The following NOVA1 variants were observed in gnomAD, a reference collection of about 807,000 sequenced individuals.
The protein encoded by NOVA1 is NOVA alternative splicing regulator 1, also known as RNA-binding protein Nova-1.
A neutral mutation model predicts 38.0 loss-of-function variants in NOVA1; 7 were observed. That is an observed-to-expected ratio of 0.18 (90% CI 0.10 to 0.35). The LOEUF (loss-of-function observed/expected upper bound fraction) is 0.35, where lower values mean the gene tolerates loss of function less well. NOVA1 is among the 10% of genes least tolerant of loss of function. NOVA1 has a pLI of 1.00. For missense variants in NOVA1, 460 were observed against 616.0 expected (o/e 0.75, Z 2.68); for synonymous variants, 270 against 232.5 (o/e 1.16, Z -1.47).
At chr14:26,452,838 T>C (rs1279577510) in intron 4 of NOVA1, among the ~76,000 whole-genome samples, 1 of 152,208 alleles carries the variant, frequency 6.6e-6, no homozygotes, top group African/African-American at 2.4e-5. Context: ...AAGCCCTGTG[T>C]TGAAAGCTGG....
At chr14:26,591,552 A>G (rs1893841608) in intron 2 of NOVA1, among the ~76,000 whole-genome samples, 1 of 151,768 alleles carries the variant, frequency 6.6e-6, no homozygotes, top group South Asian at 2.1e-4. Context: ...TAGAAGCTGT[A>G]AGAGATTCAC....
chr14:26,554,505 G>A (rs949435164), intron 2 of NOVA1, among the ~76,000 whole-genome samples: 2 of 152,148 alleles, frequency 1.3e-5, no homozygotes, highest in South Asian at 2.1e-4. Context: ...GGTTGGCTAT[G>A]AGGTTAAATT....
chr14:26,476,107 C>T (rs1025907268), intron 3 of NOVA1, among the ~76,000 whole-genome samples: 4 of 152,060 alleles, frequency 2.6e-5, no homozygotes, highest in African/African-American at 9.7e-5. Flanking sequence ...ACATACTGTA[C>T]CAAAATGAAT....
At chr14:26,528,265 TAG>T (rs1281869676) in intron 2 of NOVA1, among the ~76,000 whole-genome samples, 1 of 152,200 alleles carries the variant, frequency 6.6e-6, no homozygotes, top group Non-Finnish European at 1.5e-5. Context: ...TTATGCTTAC[TAG>T]GTTTAGGCAG....
At chr14:26,473,287 A>G (rs909410614) in intron 3 of NOVA1, among the ~76,000 whole-genome samples, 1 of 151,774 alleles carries the variant, frequency 6.6e-6, no homozygotes, top group Non-Finnish European at 1.5e-5. Context: ...TCTAACAGAA[A>G]TACCTTAAAA....
At chr14:26,534,726 G>A (rs1016134424) in intron 2 of NOVA1, among the ~76,000 whole-genome samples, 7 of 152,228 alleles carry the variant, frequency 4.6e-5, no homozygotes, top group African/African-American at 1.4e-4. Context: ...ACCTACAGAT[G>A]TGCCTAAATT....
chr14:26,479,810 A>G (rs1885297922), intron 3 of NOVA1, 167 bp downstream of exon 3: 1 of 631,900 alleles, frequency 1.6e-6, no homozygotes, highest in Non-Finnish European at 2.6e-6. Flanking sequence ...TAACTGATCA[A>G]TCTAAGGATG....
At position 26,448,541 on chromosome 14, in the gene NOVA1, G is replaced by A. The variant is rs748169659; in HGVS notation, c.942C>T (p.Ala314=). The change falls in exon 5 of 5, where the codon GCC becomes GCT. Residue 314 remains alanine, a synonymous_variant. Transcript: ENST00000539517. This position sits in a 1 kb window ranked among gnomAD's most constrained non-coding sequence, Gnocchi z 5.3. ...CTAATGTATTAAGTGCAGAGGTGAT[G>A]GCCACCAGGTCATTGCCTGTGAAGC... ...LSGFTGNDLV[A]ITSALNTLAS... is the part of the protein sequence containing the mutation. 6.2e-7 allele frequency: 1 copy of A among 1,614,200 alleles called. No individual in the cohort carries two copies. Among genetic ancestry groups the A allele is most frequent in the Admixed American group, 1.7e-5 (1 of 60,018 alleles).
In NOVA1 at chr14:26,480,100, T is replaced by A; in HGVS notation, c.324A>T (p.Ala108=). 6.2e-7 allele frequency: 1 copy of A among 1,614,050 alleles called. No homozygotes were observed. Residue 108 remains alanine (A), a synonymous_variant, in exon 3 of 5, where the codon GCA becomes GCT. Transcript: ENST00000539517. ...CAATGAATCCATGAACTGCATTCAG[T>A]GCTTCAACCGTTCCCTGGATCAAGC... The part of the protein sequence containing the change: ...RVCLIQGTVE[A]LNAVHGFIAE...
intron 2 of NOVA1, among the ~76,000 whole-genome samples, chr14:26,533,867 G>T (rs1175338763): frequency 1.3e-5 from 2 of 152,034 alleles, no homozygotes; most frequent in Admixed American, 1.3e-4. Context: ...TGAGAACAAG[G>T]TAAATTATCA....
intron 4 of NOVA1, chr14:26,472,046 G>A (rs1884624074): frequency 2.4e-6 from 1 of 416,312 alleles, no homozygotes; most frequent in Admixed American, 4.2e-5. Flanking sequence ...CAATAAATAG[G>A]CTTCAGTGCT....
intron 2 of NOVA1, among the ~76,000 whole-genome samples, chr14:26,508,039 T>C (rs1308229140): frequency 1.3e-5 from 2 of 152,068 alleles, no homozygotes; most frequent in African/African-American, 4.8e-5. Flanking sequence ...TTCTATTACT[T>C]ACAAAGAAAC....
At chr14:26,509,496 C>A (rs1220455725) in intron 2 of NOVA1, among the ~76,000 whole-genome samples, 3 of 152,096 alleles carry the variant, frequency 2.0e-5, no homozygotes, top group African/African-American at 7.2e-5. Context: ...TCTCAAGCTT[C>A]ATGATTAGAT....
chr14:26,526,588 AT>A (rs34488734), intron 2 of NOVA1, among the ~76,000 whole-genome samples: 87,049 of 151,938 alleles, frequency 0.57, 30,180 homozygotes, highest in Non-Finnish European at 0.75. Flanking sequence ...AAATAAAAAA[AT>A]ATACTCACTT....
intron 4 of NOVA1, 92 bp downstream of exon 4, chr14:26,472,228 G>C: frequency 1.3e-6 from 1 of 769,732 alleles, no homozygotes; most frequent in South Asian, 1.5e-5. Context: ...GTGAATGAAC[G>C]AATAAATCCT....
intron 4 of NOVA1, among the ~76,000 whole-genome samples, chr14:26,464,198 CAAT>C (rs1435399459): frequency 3.3e-5 from 5 of 152,178 alleles, no homozygotes; most frequent in African/African-American, 1.2e-4. Context: ...ACATTTTCAT[CAAT>C]GACAGGCCAC....
intron 2 of NOVA1, among the ~76,000 whole-genome samples, chr14:26,495,844 G>A (rs1327869563): frequency 1.5e-5 from 2 of 131,596 alleles, no homozygotes; most frequent in Non-Finnish European, 1.7e-5. Flanking sequence ...TTTTATGGCT[G>A]CATAGTATTC....
intron 2 of NOVA1, among the ~76,000 whole-genome samples, chr14:26,530,938 A>G (rs2138551064): frequency 6.6e-6 from 1 of 152,280 alleles, no homozygotes; most frequent in East Asian, 1.9e-4. Context: ...ACCAAAAACA[A>G]CACTTACTGA....
intron 2 of NOVA1, among the ~76,000 whole-genome samples, chr14:26,585,535 T>C (rs1893464605): frequency 6.6e-6 from 1 of 151,360 alleles, no homozygotes; most frequent in African/African-American, 2.4e-5. Context: ...TTTAATTTGA[T>C]GGTTAGTACT....
Sources: gnomAD v4.1 joint callset for allele counts (sites outside exome capture counted in the v4.1 genomes callset) on GRCh38, gnomAD v4.1.1 for gene constraint, Gnocchi (gnomAD v3.1) non-coding constraint, MANE v1.5 for transcripts, NCBI Gene and HGNC (gene_info 2026-07-23, HGNC 2026-07-21) for gene names.